IL22RA2: variants seen among roughly 807,000 people sequenced by gnomAD.
The protein encoded by IL22RA2 is interleukin-22 receptor subunit alpha-2.
A neutral mutation model predicts 30.7 loss-of-function variants in IL22RA2; 39 were observed. The ratio of observed to expected loss-of-function variants is 1.27; its 90% confidence interval spans 0.98 to 1.66. The LOEUF is 1.66. Ranked by LOEUF, IL22RA2 falls within the 40% of genes most tolerant of loss-of-function variation. IL22RA2 has a pLI of 0.00. For missense variants in IL22RA2, 315 were observed against 312.7 expected (o/e 1.01, Z -0.05); for synonymous variants, 103 against 105.0 (o/e 0.98, Z 0.11).
At chr6:137,150,649 C>T (rs112844198) in intron 5 of IL22RA2, among the ~76,000 whole-genome samples, 2 of 152,240 alleles carry the variant, frequency 1.3e-5, no homozygotes, top group African/African-American at 4.8e-5. Flanking sequence ...CTGAAGGAAA[C>T]TTTGTTTGAT....
chr6:137,149,842 C>T (rs1778253829), intron 5 of IL22RA2, among the ~76,000 whole-genome samples: 1 of 152,148 alleles, frequency 6.6e-6, no homozygotes. Context: ...CTTTCAGTCC[C>T]TTGAGTTTGC....
intron 2 of IL22RA2, among the ~76,000 whole-genome samples, chr6:137,160,125 G>A (rs1778493974): frequency 1.3e-5 from 2 of 152,160 alleles, no homozygotes; most frequent in African/African-American, 2.4e-5. Flanking sequence ...AAACATTCCA[G>A]AAGTTTTCAG....
chr6:137,165,228 G>T (rs562470862), intron 1 of IL22RA2, among the ~76,000 whole-genome samples: 18 of 152,272 alleles, frequency 1.2e-4, no homozygotes, highest in Non-Finnish European at 1.9e-4. Context: ...TCAGAGGTTC[G>T]CCAGAAGCCA....
intron 5 of IL22RA2, among the ~76,000 whole-genome samples, chr6:137,154,686 T>C (rs781062057): frequency 6.6e-6 from 1 of 152,038 alleles, no homozygotes; most frequent in African/African-American, 2.4e-5. Flanking sequence ...CAGTCAGATA[T>C]AGCAAATTTG....
chr6:137,164,520 C>T (rs1031083767), intron 1 of IL22RA2, among the ~76,000 whole-genome samples: 9 of 152,200 alleles, frequency 5.9e-5, no homozygotes, highest in Admixed American at 2.0e-4. Flanking sequence ...CCTACAGGCC[C>T]CGCCTGAAGA....
At chr6:137,159,079 C>A (rs180993476) in intron 2 of IL22RA2, among the ~76,000 whole-genome samples, 66 of 152,248 alleles carry the variant, frequency 4.3e-4, no homozygotes, top group Non-Finnish European at 8.8e-4. Flanking sequence ...AATGGTCATG[C>A]TAATGAGGAA....
At chr6:137,166,371 T>C (rs1778624708) in intron 1 of IL22RA2, among the ~76,000 whole-genome samples, 4 of 152,096 alleles carry the variant, frequency 2.6e-5, no homozygotes, top group Admixed American at 6.5e-5. Flanking sequence ...GGAAAGAGGA[T>C]TGTTAACTAC....
At position 137,154,964 on chromosome 6, in the gene IL22RA2, G is replaced by A. The variant is rs745893397; in HGVS notation, c.449C>T (p.Pro150Leu). 63 of 1,613,940 alleles carry A rather than the reference G, an allele frequency of 3.9e-5. No individual in the cohort carries two copies. The highest frequency in any genetic ancestry group is 1.6e-4 in the Middle Eastern group (1 of 6,082). Reference sequence around the variant, plus strand: ...ACTTTCCCACCAGGGAGTGAACCGCGGCGTCATGCTCCATTCTGAGTAGCT... The same window carrying A: ...ACTTTCCCACCAGGGAGTGAACCGCAGCGTCATGCTCCATTCTGAGTAGCT... ...AGSYSEWSMT[P>L]RFTPWWETKI... The change falls in exon 5 of 7, where the codon CCG becomes CTG. Residue 150 changes from proline to leucine, a missense_variant. Pro to Leu is a moderately conservative substitution (Grantham distance 98). Transcript: ENST00000296980.
rs1582604105 is a variant in IL22RA2 at position 137,158,593 on chromosome 6, A to G, written c.62-111T>C. 1.4e-5 allele frequency: 15 copies of G among 1,091,798 alleles called. No homozygotes were observed. In the East Asian group the frequency reaches 3.6e-4, roughly 26 times the overall value. The allele number at this position is 1,091,798 out of a possible 1,614,324, so 67.6% of individuals were successfully genotyped here. On this transcript the variant is annotated intron_variant, in intron 2 of 6. Coordinates refer to ENST00000296980, the MANE Select transcript of IL22RA2 (RefSeq NM_052962.3). ...CAGGATTCCCTAAAGTAGTTGCTCT[A>G]AGTGCAGATAGTAGAGGTGGAGCCC...
intron 1 of IL22RA2, 21 bp from the exon 2 acceptor site, chr6:137,161,835 C>A: frequency 9.9e-7 from 1 of 1,008,870 alleles, no homozygotes; most frequent in South Asian, 1.4e-5. Context: ...CACAAACAGA[C>A]AATCACTCCC....
At chr6:137,164,263 T>C (rs1273545055) in intron 1 of IL22RA2, among the ~76,000 whole-genome samples, 3 of 152,102 alleles carry the variant, frequency 2.0e-5, no homozygotes, top group Admixed American at 6.5e-5. Flanking sequence ...AAGGGGACAA[T>C]AGACAGGGAG....
chr6:137,156,352 A>G (rs1314736487), intron 4 of IL22RA2, among the ~76,000 whole-genome samples: 1 of 152,242 alleles, frequency 6.6e-6, no homozygotes, highest in East Asian at 1.9e-4. Context: ...TAAGGAAGAT[A>G]GACGGTATCT....
At position 137,144,737 on chromosome 6, in the gene IL22RA2, T is replaced by C. The variant is rs945785038; in HGVS notation, c.*887A>G. ...AACCATCATTCATGGGATCCTCCTATATAGAGATGAGGAAGGCGCCACAAG... is the reference window on the plus strand; with the variant it reads ...AACCATCATTCATGGGATCCTCCTACATAGAGATGAGGAAGGCGCCACAAG... On this transcript the variant is annotated 3_prime_UTR_variant, in exon 7 of 7. Coordinates refer to ENST00000296980, the MANE Select transcript of IL22RA2 (RefSeq NM_052962.3). 2.6e-5 allele frequency: 4 copies of C among 152,126 alleles called. No individual in the cohort carries two copies. The highest frequency in any genetic ancestry group is 5.9e-5 in the Non-Finnish European group (4 of 68,020). The allele number at this position is 152,126 out of a possible 1,614,324, so 9.4% of individuals were successfully genotyped here. A position where few individuals can be genotyped will look rare whatever the true frequency, so the allele number is the denominator to read the frequency against.
intron 2 of IL22RA2, among the ~76,000 whole-genome samples, chr6:137,160,520 G>C (rs145344457): frequency 6.6e-6 from 1 of 152,348 alleles, no homozygotes; most frequent in Non-Finnish European, 1.5e-5. Context: ...AGCCATGGGA[G>C]AGAGGAGCTA....
rs547322651 is a variant in IL22RA2, at chr6:137,151,267, C to T, written c.473-3376G>A. ...ATTGAGAGTCTGGAAATAAACTACACGTCTATGGTCTATTGATTTTCAACA... is the reference window on the plus strand; with the variant it reads ...ATTGAGAGTCTGGAAATAAACTACATGTCTATGGTCTATTGATTTTCAACA... On this transcript the variant is annotated intron_variant, in intron 5 of 6. Transcript: ENST00000296980. 1.8e-3 allele frequency among the ~76,000 whole-genome samples: 269 copies of T among 152,288 alleles called. 1 individual carries two copies. The highest frequency in any genetic ancestry group is 5.8e-3 in the African/African-American group (243 of 41,560).
intron 5 of IL22RA2, among the ~76,000 whole-genome samples, chr6:137,153,417 A>G (rs1276118824): frequency 6.6e-6 from 1 of 152,162 alleles, no homozygotes; most frequent in Non-Finnish European, 1.5e-5. Context: ...TAGGGCCAAT[A>G]TATGGTGCTA....
chr6:137,155,678 G>A (rs1285625637), intron 4 of IL22RA2, among the ~76,000 whole-genome samples: 2 of 152,048 alleles, frequency 1.3e-5, no homozygotes, highest in Non-Finnish European at 2.9e-5. Context: ...TCTCAACATT[G>A]CTGCACTGGG....
chr6:137,170,987 T>A (rs1490676838), intron 1 of IL22RA2, among the ~76,000 whole-genome samples: 1 of 152,182 alleles, frequency 6.6e-6, no homozygotes, highest in Non-Finnish European at 1.5e-5. Flanking sequence ...GGTTTTTTTG[T>A]TGTTGTTAAA....
chr6:137,171,544 A>G (rs1778733776), intron 1 of IL22RA2, among the ~76,000 whole-genome samples: 1 of 152,328 alleles, frequency 6.6e-6, no homozygotes. Context: ...GCATACAGAC[A>G]GGAGCAGAGG....
Sources: allele counts gnomAD v4.1 joint callset (sites outside exome capture counted in the v4.1 genomes callset), GRCh38; gene constraint gnomAD v4.1.1; transcripts MANE v1.5; gene names NCBI Gene and HGNC (gene_info 2026-07-23, HGNC 2026-07-21).